Variants in DSC3 observed in about 807,000 individuals in gnomAD.
DSC3 encodes desmocollin 3, also known as desmocollin-3.
DSC3 carries 97 observed loss-of-function variants against 89.5 expected under a neutral mutation model. That is an observed-to-expected ratio of 1.08 (90% CI 0.92 to 1.28). DSC3 has a LOEUF of 1.28. DSC3 is among the 50% of genes most tolerant of loss of function. DSC3 has a pLI of 0.00. For missense variants in DSC3, 1,199 were observed against 1,085.3 expected (o/e 1.10, Z -1.47); for synonymous variants, 436 against 384.1 (o/e 1.14, Z -1.58).
intron 9 of DSC3, among the ~76,000 whole-genome samples, chr18:31,017,577 G>T (rs1234955627): frequency 6.6e-6 from 1 of 151,968 alleles, no homozygotes; most frequent in Non-Finnish European, 1.5e-5. Flanking sequence ...ATACAACCAG[G>T]CATATATTAT....
intron 9 of DSC3, among the ~76,000 whole-genome samples, chr18:31,016,732 A>G (rs953712129): frequency 6.6e-6 from 1 of 152,134 alleles, no homozygotes; most frequent in Non-Finnish European, 1.5e-5. Context: ...GAAACCTTCA[A>G]CCAGTGGGGC....
In DSC3 at chr18:31,041,445, C is replaced by T. The variant is rs114134141; in HGVS notation, c.69+1147G>A. Among the ~76,000 whole-genome samples the T allele has an allele frequency of 4.0e-3, 604 of 152,302 alleles. 3 individuals carry two copies. The highest frequency in any genetic ancestry group is 0.014 in the African/African-American group (567 of 41,554). On this transcript the variant is annotated intron_variant, in intron 1 of 15. Coordinates refer to ENST00000360428, the MANE Select transcript of DSC3 (RefSeq NM_001941.5). ...CATAACTACCAATCCCATATTCATA[C>T]CTCGCTGACCTTAAGGGAGGACAAC...
At chr18:31,033,821 A>AGTTTT (rs948473405) in intron 1 of DSC3, among the ~76,000 whole-genome samples, 38 of 152,232 alleles carry the variant, frequency 2.5e-4, no homozygotes, top group South Asian at 6.2e-4. Context: ...CTCATAGAAT[A>AGTTTT]GTTTTGTTTT....
At chr18:31,019,758 G>A (rs1192433673) in intron 7 of DSC3, among the ~76,000 whole-genome samples, 4 of 150,162 alleles carry the variant, frequency 2.7e-5, no homozygotes, top group Admixed American at 1.3e-4. Flanking sequence ...GCCACAGCAT[G>A]CAGCCTGAGC....
intron 11 of DSC3, 93 bp from the exon 12 acceptor site, chr18:31,007,224 GT>G: frequency 1.2e-6 from 1 of 831,238 alleles, no homozygotes; most frequent in Non-Finnish European, 1.9e-6. Flanking sequence ...TACATGATCT[GT>G]TTTTAAATAA....
intron 9 of DSC3, among the ~76,000 whole-genome samples, chr18:31,012,594 C>A (rs1049278809): frequency 1.3e-5 from 2 of 152,114 alleles, no homozygotes; most frequent in South Asian, 4.1e-4. Flanking sequence ...GTCTACTCAT[C>A]TGGAAATGAG....
chr18:31,018,256 A>T lies in DSC3; in HGVS notation c.1078T>A (p.Tyr360Asn). The T allele has an allele frequency of 2.5e-6, 4 of 1,606,422 alleles. No homozygotes were observed. The highest frequency in any genetic ancestry group is 3.4e-6 in the Non-Finnish European group (4 of 1,177,004). Residue 360 changes from tyrosine to asparagine, a missense_variant and splice_region_variant, in exon 9 of 16, where the codon TAT becomes AAT. Coordinates refer to ENST00000360428, the MANE Select transcript of DSC3 (RefSeq NM_001941.5). Reference protein sequence around the residue: ...DNAPTFRQNAYEAFVEENAFN... With the variant: ...DNAPTFRQNANEAFVEENAFN... ...GCATTTTCCTCTACAAATGCTTCAT[A>T]CTGAAACAGAAAGAAGTCATTGAAA...
At chr18:31,039,846 C>A (rs1986079000) in intron 1 of DSC3, among the ~76,000 whole-genome samples, 1 of 152,140 alleles carries the variant, frequency 6.6e-6, no homozygotes, top group African/African-American at 2.4e-5. Context: ...GATAATGCAT[C>A]AATCTAAATA....
At chr18:31,039,420 T>G (rs1986066829) in intron 1 of DSC3, among the ~76,000 whole-genome samples, 1 of 152,196 alleles carries the variant, frequency 6.6e-6, no homozygotes, top group South Asian at 2.1e-4. Flanking sequence ...ATGGAATGTC[T>G]TAAATGTGAA....
rs1020582495 is a variant in DSC3, at chr18:30,990,190, C to T, written c.*3985G>A. On this transcript the variant is annotated 3_prime_UTR_variant, in exon 16 of 16. Coordinates refer to ENST00000360428, the MANE Select transcript of DSC3 (RefSeq NM_001941.5). ...AACTCATTTAATCATTCAACAACCC[C>T]ATGAGGCTGGCATTGTTCATTGATT... The T allele has an allele frequency of 3.0e-4, 46 of 152,278 alleles. No homozygotes were observed. Among genetic ancestry groups the T allele is most frequent in the African/African-American group, 1.0e-3 (43 of 41,558 alleles). The allele number at this position is 152,278 out of a possible 1,614,324, so 9.4% of individuals were successfully genotyped here. A position where few individuals can be genotyped will look rare whatever the true frequency, so the allele number is the denominator to read the frequency against.
chr18:31,038,697 C>A, intron 1 of DSC3, among the ~76,000 whole-genome samples: 1 of 151,690 alleles, frequency 6.6e-6, no homozygotes, highest in Admixed American at 6.6e-5. Flanking sequence ...ATTATAAATA[C>A]CAAAGATTAC....
chr18:31,001,978 A>G (rs1227963739), intron 13 of DSC3, among the ~76,000 whole-genome samples: 2 of 152,194 alleles, frequency 1.3e-5, no homozygotes, highest in Non-Finnish European at 2.9e-5. Flanking sequence ...GCCCATCAAA[A>G]TAAAGTACTT....
At chr18:31,027,520 A>C (rs1273008859) in intron 4 of DSC3, among the ~76,000 whole-genome samples, 2 of 113,538 alleles carry the variant, frequency 1.8e-5, no homozygotes, top group African/African-American at 6.3e-5. Context: ...TTTCTGCAAT[A>C]GCATATGTAC....
rs1723824864 is a variant in DSC3 at position 30,993,923 on chromosome 18, A to G, written c.*252T>C. ...ATTACTAAAATATCCGTAAAAAAAA[A>G]AAAGAGCAGATGCTTTAGAGACCTT... On this transcript the variant is annotated 3_prime_UTR_variant, in exon 16 of 16. Coordinates refer to ENST00000360428, the MANE Select transcript of DSC3 (RefSeq NM_001941.5). 1 of 364,196 alleles carries G rather than the reference A, an allele frequency of 2.7e-6. No individual in the cohort carries two copies. The allele number at this position is 364,196 out of a possible 1,614,324, so 22.6% of individuals were successfully genotyped here.
chr18:30,999,601 CT>C (rs1473373006), intron 14 of DSC3, among the ~76,000 whole-genome samples: 4 of 152,194 alleles, frequency 2.6e-5, no homozygotes, highest in African/African-American at 7.2e-5. Flanking sequence ...AGCTTTCATA[CT>C]TTTATTCTCT....
In DSC3 at chr18:30,996,929, T is replaced by G. The variant is rs1159969840; in HGVS notation, c.2355A>C (p.Gly785=). The G allele has an allele frequency of 1.2e-6, 2 of 1,614,032 alleles. No individual in the cohort carries two copies. Among genetic ancestry groups the G allele is most frequent in the African/African-American group, 2.7e-5 (2 of 74,910 alleles). The part of the protein sequence containing the change: ...GQETIEMMKG[G]NQTLESCRGA... ...CCCGGCAGGATTCCAAGGTCTGGTTTCCTCCTTTCATCATTTCAATGGTTT... is the reference window on the plus strand; with the variant it reads ...CCCGGCAGGATTCCAAGGTCTGGTTGCCTCCTTTCATCATTTCAATGGTTT... The change falls in exon 15 of 16, where the codon GGA becomes GGC. Residue 785 remains glycine, a synonymous_variant. Coordinates refer to ENST00000360428, the MANE Select transcript of DSC3 (RefSeq NM_001941.5).
Position 31,004,918 on chromosome 18 carries a change from A to G in DSC3, c.1889-552T>C, listed in dbSNP as rs1017093933. ...ACAAAACAGAAATATCTATATAACA[A>G]TTCACTTTTATCAACTCTGATAGTC... On this transcript the variant is annotated intron_variant, in intron 12 of 15. Transcript: ENST00000360428. 2.0e-5 allele frequency among the ~76,000 whole-genome samples: 3 copies of G among 152,160 alleles called. No individual in the cohort carries two copies. In the East Asian group the frequency reaches 5.8e-4, roughly 29 times the overall value.
At chr18:31,007,604 G>A (rs903991483) in intron 11 of DSC3, among the ~76,000 whole-genome samples, 1 of 152,100 alleles carries the variant, frequency 6.6e-6, no homozygotes, top group Non-Finnish European at 1.5e-5. Context: ...TGAAGACAAG[G>A]TTGAAAAACT....
chr18:30,991,228 G>A lies in DSC3; in HGVS notation c.*2947C>T, dbSNP rs1034516172. 1.3e-5 allele frequency: 2 copies of A among 152,454 alleles called. No homozygotes were observed. The highest frequency in any genetic ancestry group is 4.8e-5 in the African/African-American group (2 of 41,384). 9.4% of individuals were successfully genotyped at this position (152,454 alleles called of 1,614,324 possible). On this transcript the variant is annotated 3_prime_UTR_variant, in exon 16 of 16. Transcript: ENST00000360428. ...AAAACATTGCAAAACAAACCCCACT[G>A]CATTTTAGACAGCTGCTTCCTTATA... is the stretch of plus-strand genomic sequence containing the variant.
Sources: gnomAD v4.1 joint callset for allele counts (sites outside exome capture counted in the v4.1 genomes callset) on GRCh38, gnomAD v4.1.1 for gene constraint, MANE v1.5 for transcripts, NCBI Gene and HGNC (gene_info 2026-07-23, HGNC 2026-07-21) for gene names.